SGCA: variants seen among roughly 807,000 people sequenced by gnomAD.
SGCA encodes the protein sarcoglycan alpha.
SGCA carries 34 observed loss-of-function variants against 38.1 expected under a neutral mutation model. The observed-to-expected ratio is 0.89, with a 90% CI of 0.68 to 1.19. The LOEUF (loss-of-function observed/expected upper bound fraction) is 1.19. Ranked by LOEUF, SGCA falls within the 50% of genes most tolerant of loss-of-function variation. The probability of loss-of-function intolerance (pLI) is 0.00; values close to 1 mark genes in which losing one functional copy is unlikely to be tolerated. For synonymous variants in SGCA, 209 were observed against 214.6 expected (o/e 0.97, Z 0.23); for missense variants, 476 against 524.9 (o/e 0.91, Z 0.91).
rs1366953774 is a variant in SGCA at position 50,168,034 on chromosome 17, G to A, written c.385+15G>A. The A allele has an allele frequency of 6.2e-7, 1 of 1,608,898 alleles. No individual in the cohort carries two copies. Among genetic ancestry groups the A allele is most frequent in the Non-Finnish European group, 8.5e-7 (1 of 1,175,374 alleles). ...GGACCCAGAAGGTACCTCTAGCTGT[G>A]CCCCATCCCTTCCCCACCAATGCCA... is the stretch of plus-strand genomic sequence containing the variant. On this transcript the variant is annotated intron_variant, in intron 4 of 9. Transcript: ENST00000262018.
At chr17:50,170,818 G>T in intron 8 of SGCA, 152 bp downstream of exon 8, 1 of 725,968 alleles carries the variant, frequency 1.4e-6, no homozygotes, top group Non-Finnish European at 2.4e-6. Context: ...CCAGCACTTT[G>T]GGAGGCTGAG....
At chr17:50,168,294 G>A in intron 4 of SGCA, 80 bp from the exon 5 acceptor site, 1 of 1,254,716 alleles carries the variant, frequency 8.0e-7, no homozygotes, top group South Asian at 1.3e-5. Flanking sequence ...GTGCAGGGAT[G>A]TGGGGAGGAG....
intron 8 of SGCA, chr17:50,171,648 G>C (rs780613818): frequency 5.3e-5 from 24 of 456,734 alleles, no homozygotes; most frequent in Middle Eastern, 3.2e-4. Flanking sequence ...GTTGCCTCTT[G>C]ACCTTGAGCT....
At chr17:50,171,922 A>C (rs752858213) in intron 8 of SGCA, 3 of 456,650 alleles carry the variant, frequency 6.6e-6, no homozygotes, top group African/African-American at 4.0e-5. Context: ...TGCGTTGCCC[A>C]GTCGCTGTCT....
chr17:50,172,664 T>C (rs1186260278), intron 8 of SGCA, among the ~76,000 whole-genome samples: 1 of 152,144 alleles, frequency 6.6e-6, no homozygotes, highest in African/African-American at 2.4e-5. Context: ...AAACTCACCA[T>C]TTTGATCCCA....
In SGCA at chr17:50,169,207, G is replaced by A. The variant is rs760608643; in HGVS notation, c.700G>A (p.Asp234Asn). 27 of 1,613,830 alleles carry A rather than the reference G, an allele frequency of 1.7e-5. No homozygotes were observed. In the Admixed American group the frequency reaches 3.8e-4, roughly 23 times the overall value. Residue 234 changes from aspartate (D) to asparagine (N), a missense_variant, in exon 6 of 10, where the codon GAC becomes AAC. Transcript: ENST00000262018. ...CCAGCCTCCACTTCTGTCTTGCTAC[G>A]ACACCTTGGCACCCCACTTCCGCGT... Reference protein sequence around the residue: ...QGQPPLLSCYDTLAPHFRVDW... With the variant: ...QGQPPLLSCYNTLAPHFRVDW...
chr17:50,170,699 G>A (rs1161089541), intron 8 of SGCA, 33 bp downstream of exon 8: 2 of 1,541,526 alleles, frequency 1.3e-6, no homozygotes, highest in Admixed American at 1.9e-5. Flanking sequence ...TGGGGTGGGA[G>A]CCCACCTAGA....
At position 50,170,262 on chromosome 17, in the gene SGCA, T is replaced by C. The variant is rs751156929; in HGVS notation, c.867T>C (p.Asp289=). The change falls in exon 7 of 10, where the codon GAT becomes GAC. Residue 289 remains aspartate (D), a synonymous_variant. Coordinates refer to ENST00000262018, the MANE Select transcript of SGCA (RefSeq NM_000023.4). The part of the protein sequence containing the change: ...TEAPDRDFLV[D]ALVTLLVPLL... ...CCCCAGACCGTGACTTCTTGGTGGATGCTCTGGTCACCCTCCTGGTGCCCC... is the reference window on the plus strand; with the variant it reads ...CCCCAGACCGTGACTTCTTGGTGGACGCTCTGGTCACCCTCCTGGTGCCCC... 1 of 1,614,226 alleles carries C rather than the reference T, an allele frequency of 6.2e-7. No homozygotes were observed. Among genetic ancestry groups the C allele is most frequent in the Non-Finnish European group, 8.5e-7 (1 of 1,180,034 alleles).
At chr17:50,175,174 G>A (rs1306548062) in intron 8 of SGCA, 83 bp from the exon 9 acceptor site, 16 of 1,315,988 alleles carry the variant, frequency 1.2e-5, no homozygotes, top group South Asian at 7.5e-5. Context: ...GGGGAGGACC[G>A]CAGGGTGGCT....
At position 50,169,266 on chromosome 17, in the gene SGCA, C is replaced by A; in HGVS notation, c.747+12C>A. ...GCAATGTGACCCTGGTGAGGAGGGA[C>A]CCTGGGTCCGGGGGTGGGGTGGGGC... is the stretch of plus-strand genomic sequence containing the variant. On this transcript the variant is annotated intron_variant, in intron 6 of 9. Coordinates refer to ENST00000262018, the MANE Select transcript of SGCA (RefSeq NM_000023.4). 3.7e-6 allele frequency: 6 copies of A among 1,604,622 alleles called. No homozygotes were observed. Among genetic ancestry groups the A allele is most frequent in the Non-Finnish European group, 5.1e-6 (6 of 1,172,794 alleles).
At chr17:50,166,646 T>C (rs577610508) in intron 1 of SGCA, among the ~76,000 whole-genome samples, 7 of 151,636 alleles carry the variant, frequency 4.6e-5, no homozygotes, top group African/African-American at 1.5e-4. Flanking sequence ...CCAGTGCCTT[T>C]CACACATACA....
At position 50,167,251 on chromosome 17, in the gene SGCA, A is replaced by G. The variant is rs896728613; in HGVS notation, c.38-117A>G. ...CCCAATCCCTTCCTGGGAGGCAGCAAAGGAAGCGCTTCTCTCGGTCCCTTA... is the reference window on the plus strand; with the variant it reads ...CCCAATCCCTTCCTGGGAGGCAGCAGAGGAAGCGCTTCTCTCGGTCCCTTA... On this transcript the variant is annotated intron_variant, in intron 1 of 9. Transcript: ENST00000262018. The surrounding 1 kb of genome is among the most constrained non-coding windows in gnomAD (Gnocchi z 4.5). 1.2e-5 allele frequency: 17 copies of G among 1,445,906 alleles called. No individual in the cohort carries two copies. In the African/African-American group the frequency reaches 2.1e-4, roughly 18 times the overall value. 89.6% of individuals were successfully genotyped at this position (1,445,906 alleles called of 1,614,324 possible).
Position 50,170,226 on chromosome 17 carries a change from A to G in SGCA, c.831A>G (p.Pro277=), listed in dbSNP as rs774673678. The part of the protein sequence containing the change: ...GILEHDPFFC[P]PTEAPDRDFL... Reference sequence around the variant, plus strand: ...TGGAGCATGACCCGTTCTTCTGCCCACCCACTGAGGCCCCAGACCGTGACT... The same window carrying G: ...TGGAGCATGACCCGTTCTTCTGCCCGCCCACTGAGGCCCCAGACCGTGACT... Residue 277 remains proline, a synonymous_variant, in exon 7 of 10, where the codon CCA becomes CCG. Coordinates refer to ENST00000262018, the MANE Select transcript of SGCA (RefSeq NM_000023.4). 6.2e-7 allele frequency: 1 copy of G among 1,613,646 alleles called. No homozygotes were observed. Among genetic ancestry groups the G allele is most frequent in the Non-Finnish European group, 8.5e-7 (1 of 1,179,926 alleles).
At chr17:50,170,533 A>T in intron 7 of SGCA, 107 bp from the exon 8 acceptor site, 1 of 1,392,146 alleles carries the variant, frequency 7.2e-7, no homozygotes, top group Non-Finnish European at 1.0e-6. Context: ...TGGCACCAGG[A>T]GGGCATTGTG....
intron 8 of SGCA, among the ~76,000 whole-genome samples, chr17:50,174,041 G>A (rs1374399587): frequency 2.0e-5 from 3 of 152,220 alleles, no homozygotes; most frequent in Admixed American, 1.3e-4. Flanking sequence ...ATTCTTGGCT[G>A]GGTGCAGTGG....
At chr17:50,172,976 C>T (rs1054268108) in intron 8 of SGCA, among the ~76,000 whole-genome samples, 4 of 152,118 alleles carry the variant, frequency 2.6e-5, no homozygotes, top group Non-Finnish European at 5.9e-5. Flanking sequence ...TTTTTTTGGA[C>T]TGAACCAAAT....
chr17:50,175,464 T>C lies in SGCA; in HGVS notation c.*12+15T>C, dbSNP rs1288498456. On this transcript the variant is annotated intron_variant, in intron 9 of 9. Coordinates refer to ENST00000262018, the MANE Select transcript of SGCA (RefSeq NM_000023.4). ...AGCCTAGCCAGGTAGGTCTGGTGGG[T>C]GATGCCAGCCTTATTTCTGGGAACA... is the stretch of plus-strand genomic sequence containing the variant. The C allele has an allele frequency of 6.2e-7, 1 of 1,603,848 alleles. No individual in the cohort carries two copies. The highest frequency in any genetic ancestry group is 1.1e-5 in the South Asian group (1 of 90,556).
At chr17:50,168,749 G>A (rs1398381200) in intron 5 of SGCA, among the ~76,000 whole-genome samples, 177 bp downstream of exon 5, 1 of 151,964 alleles carries the variant, frequency 6.6e-6, no homozygotes, top group Non-Finnish European at 1.5e-5. Flanking sequence ...TCCTTCCAGA[G>A]CCTAGACCCT....
At chr17:50,170,596 C>T (rs200932512) in intron 7 of SGCA, 44 bp from the exon 8 acceptor site, 360 of 1,553,248 alleles carry the variant, frequency 2.3e-4, no homozygotes, top group Admixed American at 5.3e-4. Context: ...CACCTTGGGG[C>T]GAAACCCAGA....
Sources: allele counts gnomAD v4.1 joint callset (sites outside exome capture counted in the v4.1 genomes callset), GRCh38; gene constraint gnomAD v4.1.1; non-coding constraint Gnocchi (gnomAD v3.1); transcripts MANE v1.5; gene names NCBI Gene and HGNC (gene_info 2026-07-23, HGNC 2026-07-21).